Variants in GFPT2 observed in about 807,000 individuals in gnomAD.
GFPT2 encodes the protein glutamine--fructose-6-phosphate transaminase 2, also known as glutamine--fructose-6-phosphate aminotransferase [isomerizing] 2.
In GFPT2, 62 loss-of-function variants were observed where a neutral mutation model predicts 85.6. The ratio of observed to expected loss-of-function variants is 0.72; its 90% CI spans 0.59 to 0.90. The LOEUF is 0.90. GFPT2 is among the 40% of genes least tolerant of loss of function. The pLI, the probability that GFPT2 is intolerant of heterozygous loss-of-function variation, is 0.00. For missense variants in GFPT2, 788 were observed against 893.4 expected (o/e 0.88, Z 1.50); for synonymous variants, 368 against 344.5 (o/e 1.07, Z -0.75).
Position 180,302,500 on chromosome 5 carries a change from CCA to C in GFPT2, c.1925_1926del (p.Val642GlyfsTer26). On this transcript the variant is annotated frameshift_variant, in exon 18 of 19. Coordinates refer to ENST00000253778, the MANE Select transcript of GFPT2 (RefSeq NM_005110.4). LOFTEE classifies it high-confidence loss of function. ...ACGCTCAGGATGCCCTGGAGGCAGT[CCA>C]CAGTGTGGGGCAGCTCAATTGTCTT... ...AYKTIELPHT[V>X]DCLQGILSVI... 1 of 1,614,032 alleles carries C rather than the reference CCA, an allele frequency of 6.2e-7. No homozygotes were observed. Among genetic ancestry groups the C allele is most frequent in the Non-Finnish European group, 8.5e-7 (1 of 1,179,914 alleles).
rs1468294536 is a variant in GFPT2 at position 180,338,530 on chromosome 5, G to A, written c.78C>T (p.Gly26=). ...RKEIFETLIK[G]LQRLEYRGYD... is the part of the protein sequence containing the mutation. ...AGCCTCTGTACTCCAGCCGCTGCAG[G>A]CCCTTGATGAGGGTTTCGAAGATCT... Residue 26 remains glycine (G), a synonymous_variant, in exon 2 of 19, where the codon GGC becomes GGT. Coordinates refer to ENST00000253778, the MANE Select transcript of GFPT2 (RefSeq NM_005110.4). 20 of 1,611,916 alleles carry A rather than the reference G, an allele frequency of 1.2e-5. No homozygotes were observed. In the Admixed American group the frequency reaches 3.2e-4, roughly 26 times the overall value.
At chr5:180,348,093 G>T (rs924634539) in intron 1 of GFPT2, among the ~76,000 whole-genome samples, 1 of 152,140 alleles carries the variant, frequency 6.6e-6, no homozygotes, top group Non-Finnish European at 1.5e-5. Context: ...TCAGAGATCT[G>T]TCTTTCTCCC....
intron 17 of GFPT2, 131 bp downstream of exon 17, chr5:180,304,640 CG>C: frequency 1.2e-6 from 1 of 833,238 alleles, no homozygotes; most frequent in Non-Finnish European, 2.0e-6. Context: ...ACAGGCGGCC[CG>C]GGGGAGGGTG....
chr5:180,301,559 C>T lies in GFPT2; in HGVS notation c.*5G>A. 6.2e-7 allele frequency: 1 copy of T among 1,610,804 alleles called. No individual in the cohort carries two copies. On this transcript the variant is annotated 3_prime_UTR_variant, in exon 19 of 19. Coordinates refer to ENST00000253778, the MANE Select transcript of GFPT2 (RefSeq NM_005110.4). ...GGTGGTGATGGTCTTGTCACGGTCT[C>T]AGCCTCATTCCACAGTTACAGACTT...
At position 180,316,383 on chromosome 5, in the gene GFPT2, G is replaced by A; in HGVS notation, c.1231C>T (p.Pro411Ser). The change falls in exon 13 of 19, where the codon CCT becomes TCT. Residue 411 changes from proline to serine, a missense_variant. Transcript: ENST00000253778. The part of the protein sequence containing the change: ...LASDFLDRNT[P>S]VFRDDVCFFI... ...AAGCAAACGTCATCCCTGAACACAG[G>A]TGTGTTCCTGTCCAGAAAATCACTA... 6.2e-7 allele frequency: 1 copy of A among 1,613,310 alleles called. No homozygotes were observed. The highest frequency in any genetic ancestry group is 8.5e-7 in the Non-Finnish European group (1 of 1,179,246).
chr5:180,301,927 A>G (rs1439553800), intron 18 of GFPT2, among the ~76,000 whole-genome samples: 1 of 111,876 alleles, frequency 8.9e-6, no homozygotes, highest in African/African-American at 3.0e-5. Context: ...TTGCAAGAAT[A>G]TATATGAATT....
intron 1 of GFPT2, chr5:180,352,793 C>A: frequency 9.7e-6 from 3 of 309,120 alleles, no homozygotes; most frequent in South Asian, 7.4e-5. Flanking sequence ...TCGGGATGGG[C>A]GCCCCGCACT....
At chr5:180,337,410 G>A (rs1418340993) in intron 2 of GFPT2, among the ~76,000 whole-genome samples, 3 of 146,576 alleles carry the variant, frequency 2.0e-5, no homozygotes, top group Non-Finnish European at 3.0e-5. Context: ...CTGAGATCGC[G>A]CCACTGCACT....
At chr5:180,345,819 A>G (rs1379444783) in intron 1 of GFPT2, among the ~76,000 whole-genome samples, 2 of 152,218 alleles carry the variant, frequency 1.3e-5, no homozygotes, top group East Asian at 3.9e-4. Context: ...TCAGCCAAGC[A>G]TAAGCAGCTC....
At chr5:180,349,911 G>A (rs940400674) in intron 1 of GFPT2, among the ~76,000 whole-genome samples, 4 of 150,420 alleles carry the variant, frequency 2.7e-5, no homozygotes, top group African/African-American at 9.8e-5. Flanking sequence ...AGATTACTAA[G>A]TGCAGTATGG....
At chr5:180,312,671 C>T in intron 14 of GFPT2, 127 bp from the exon 15 acceptor site, 1 of 603,632 alleles carries the variant, frequency 1.7e-6, no homozygotes, top group South Asian at 2.1e-5. Flanking sequence ...TCACTGCAGC[C>T]TCAACCTCCT....
intron 12 of GFPT2, 146 bp from the exon 13 acceptor site, chr5:180,316,607 G>GA: frequency 1.1e-6 from 1 of 951,806 alleles, no homozygotes; most frequent in Non-Finnish European, 1.6e-6. Flanking sequence ...AGGCCACCTC[G>GA]AAGATAAAAG....
chr5:180,316,909 G>T (rs372171861), intron 11 of GFPT2, 48 bp from the exon 12 acceptor site: 2 of 1,559,938 alleles, frequency 1.3e-6, no homozygotes, highest in African/African-American at 1.4e-5. Flanking sequence ...CACAGTCACC[G>T]CATTCCCTGA....
At chr5:180,333,358 C>T (rs1764341579) in intron 4 of GFPT2, among the ~76,000 whole-genome samples, 1 of 152,146 alleles carries the variant, frequency 6.6e-6, no homozygotes. Flanking sequence ...CCTCCGCCTC[C>T]CGAGTAGCTG....
At chr5:180,317,100 T>G (rs1156676938) in intron 10 of GFPT2, 42 bp from the exon 11 acceptor site, 1 of 1,183,306 alleles carries the variant, frequency 8.5e-7, no homozygotes, top group Non-Finnish European at 1.3e-6. Context: ...TTCATTATAT[T>G]TCACTGCTTT....
At chr5:180,305,258 C>T (rs1443215319) in intron 16 of GFPT2, among the ~76,000 whole-genome samples, 1 of 152,168 alleles carries the variant, frequency 6.6e-6, no homozygotes, top group African/African-American at 2.4e-5. Context: ...TCGGAGTCAG[C>T]CTAGCTCACC....
chr5:180,318,081 A>C lies in GFPT2; in HGVS notation c.958+712T>G, dbSNP rs1465076646. 1.3e-5 allele frequency among the ~76,000 whole-genome samples: 2 copies of C among 152,112 alleles called. No homozygotes were observed. The highest frequency in any genetic ancestry group is 4.8e-5 in the African/African-American group (2 of 41,414). ...GACCATGGCAGACACAGGAGCAGAG[A>C]AGGAGTCTCTGAGGGGGTGACATTT... On this transcript the variant is annotated intron_variant, in intron 10 of 18. Transcript: ENST00000253778. The surrounding 1 kb of genome is among the most constrained non-coding windows in gnomAD (Gnocchi z 4.2).
Position 180,353,316 on chromosome 5 carries a change from TGGGCTCCGC to T in GFPT2, c.-108_-100del, listed in dbSNP as rs1302855623. On this transcript the variant is annotated 5_prime_UTR_variant, in exon 1 of 19. Transcript: ENST00000253778. ...TCCTCCGTGGGCTCCGTGGGCTCCG[TGGGCTCCGC>T]GGGCTCCAGCTCCCGTCCGCTCGGC... 28 of 871,318 alleles carry T rather than the reference TGGGCTCCGC, an allele frequency of 3.2e-5. No individual in the cohort carries two copies. Among genetic ancestry groups the T allele is most frequent in the South Asian group, 5.9e-5 (1 of 16,880 alleles). The allele number at this position is 871,318 out of a possible 1,614,324, so 54.0% of individuals were successfully genotyped here. A position where few individuals can be genotyped will look rare whatever the true frequency, so the allele number is the denominator to read the frequency against.
At chr5:180,325,294 A>G (rs895935510) in intron 7 of GFPT2, among the ~76,000 whole-genome samples, 4 of 152,152 alleles carry the variant, frequency 2.6e-5, no homozygotes, top group South Asian at 2.1e-4. Flanking sequence ...GCGCATCCCT[A>G]TAACAATAGG....
Sources: gnomAD v4.1 joint callset for allele counts (sites outside exome capture counted in the v4.1 genomes callset) on GRCh38, gnomAD v4.1.1 for gene constraint, Gnocchi (gnomAD v3.1) non-coding constraint, MANE v1.5 for transcripts, NCBI Gene and HGNC (gene_info 2026-07-23, HGNC 2026-07-21) for gene names.